The following ZC3H12B variants were observed in gnomAD, a reference collection of about 807,000 sequenced individuals.
The protein encoded by ZC3H12B is probable ribonuclease ZC3H12B.
ZC3H12B carries 7 observed loss-of-function variants against 43.9 expected under a neutral mutation model. The observed-to-expected ratio is 0.16, with a 90% CI of 0.09 to 0.30. The LOEUF is 0.30. ZC3H12B is among the 10% of genes least tolerant of loss of function. ZC3H12B has a pLI of 1.00. For synonymous variants in ZC3H12B, 222 were observed against 241.7 expected (o/e 0.92, Z 0.76); for missense variants, 475 against 670.2 (o/e 0.71, Z 3.22).
At chrX:65,475,102 T>TC (rs929282162) in intron 3 of ZC3H12B, among the ~76,000 whole-genome samples, 3 of 111,907 alleles carry the variant, frequency 2.7e-5, no homozygotes, top group Admixed American at 9.5e-5. Flanking sequence ...TACTTTTACA[T>TC]CCCCCCCACA....
At chrX:65,113,092 G>T in the ZC3H12B span, among the ~76,000 whole-genome samples, 1 of 111,264 alleles carries the variant, frequency 9.0e-6, no homozygotes. Flanking sequence ...TGACATTGAG[G>T]GGTTAAAGGC....
At chrX:65,065,300 T>G in the ZC3H12B span, among the ~76,000 whole-genome samples, 1 of 111,965 alleles carries the variant, frequency 8.9e-6, no homozygotes, top group Non-Finnish European at 1.9e-5. Flanking sequence ...TTTCCATAGT[T>G]AGTGCTTCCT....
At chrX:65,115,953 T>G in the ZC3H12B span, among the ~76,000 whole-genome samples, 1 of 111,329 alleles carries the variant, frequency 9.0e-6, no homozygotes, top group Admixed American at 9.6e-5. Flanking sequence ...TATTAGTCCT[T>G]TGTCAGATGT....
chrX:65,238,040 GT>G, the ZC3H12B span, among the ~76,000 whole-genome samples: 2 of 111,200 alleles, frequency 1.8e-5, no homozygotes, highest in African/African-American at 6.5e-5. Context: ...TCTCTTTCAG[GT>G]TTTGATATCA....
intron 2 of ZC3H12B, among the ~76,000 whole-genome samples, chrX:65,387,280 T>A (rs749263955): frequency 9.0e-6 from 1 of 111,608 alleles, no homozygotes; most frequent in East Asian, 2.8e-4. Context: ...GGAGTCTAAG[T>A]CTGTTTCTAG....
At chrX:65,307,868 T>C in the ZC3H12B span, among the ~76,000 whole-genome samples, 1 of 112,037 alleles carries the variant, frequency 8.9e-6, no homozygotes, top group Non-Finnish European at 1.9e-5. Flanking sequence ...GGGACAAAGA[T>C]AAAATTTTAC....
At chrX:65,123,573 A>G in the ZC3H12B span, among the ~76,000 whole-genome samples, 1 of 110,490 alleles carries the variant, frequency 9.1e-6, no homozygotes, top group Non-Finnish European at 1.9e-5. Flanking sequence ...TTTTGGCAGT[A>G]TGGTCATTTT....
the ZC3H12B span, among the ~76,000 whole-genome samples, chrX:65,052,509 C>A: frequency 2.7e-5 from 3 of 110,955 alleles, no homozygotes; most frequent in East Asian, 2.9e-4. Context: ...TCAGATCCCA[C>A]AAATAAGTGA....
the ZC3H12B span, among the ~76,000 whole-genome samples, chrX:65,121,019 A>C: frequency 9.0e-6 from 1 of 111,144 alleles, no homozygotes; most frequent in East Asian, 2.8e-4. Flanking sequence ...CATGGTGGAT[A>C]AGCTTTTTGA....
At chrX:65,125,235 G>T in the ZC3H12B span, among the ~76,000 whole-genome samples, 13 of 111,550 alleles carry the variant, frequency 1.2e-4, no homozygotes, top group Non-Finnish European at 2.3e-4. Flanking sequence ...TGATTTCATT[G>T]TTAAACCAAT....
At chrX:65,152,728 A>G in the ZC3H12B span, among the ~76,000 whole-genome samples, 1 of 111,676 alleles carries the variant, frequency 9.0e-6, no homozygotes, top group Non-Finnish European at 1.9e-5. Flanking sequence ...ATTGGAAAAA[A>G]CTACTTTAAA....
chrX:65,109,821 G>A, the ZC3H12B span, among the ~76,000 whole-genome samples: 5 of 111,440 alleles, frequency 4.5e-5, no homozygotes, highest in Admixed American at 1.9e-4. Flanking sequence ...TCCAGCAAAT[G>A]TATAAGGGTT....
the ZC3H12B span, among the ~76,000 whole-genome samples, chrX:65,254,849 C>T: frequency 9.0e-6 from 1 of 111,035 alleles, no homozygotes; most frequent in East Asian, 2.8e-4. Flanking sequence ...GATGAAATGA[C>T]CGTTTTAGGA....
the ZC3H12B span, among the ~76,000 whole-genome samples, chrX:65,211,455 C>T: frequency 9.3e-6 from 1 of 107,006 alleles, no homozygotes; most frequent in Admixed American, 1.1e-4. Flanking sequence ...ATGCTAAATT[C>T]TTTAATATGC....
chrX:65,193,829 G>A, the ZC3H12B span, among the ~76,000 whole-genome samples: 4 of 111,285 alleles, frequency 3.6e-5, no homozygotes, highest in Non-Finnish European at 5.7e-5. Context: ...TTCTCACATT[G>A]CTGTAGATAA....
At chrX:65,278,776 T>C in the ZC3H12B span, among the ~76,000 whole-genome samples, 9 of 110,224 alleles carry the variant, frequency 8.2e-5, no homozygotes, top group African/African-American at 3.0e-4. Flanking sequence ...TCAATAGTTA[T>C]CTTTTCTGCT....
chrX:65,390,025 G>A (rs772741036), intron 2 of ZC3H12B, among the ~76,000 whole-genome samples: 4 of 112,202 alleles, frequency 3.6e-5, no homozygotes, highest in Non-Finnish European at 7.5e-5. Context: ...ATTAATGATA[G>A]ACTGGGTTAA....
intron 3 of ZC3H12B, among the ~76,000 whole-genome samples, chrX:65,434,755 G>T (rs1250692307): frequency 9.0e-6 from 1 of 111,007 alleles, no homozygotes; most frequent in Non-Finnish European, 1.9e-5. Context: ...AGAAAAGAAG[G>T]GTAGTGGGTG....
chrX:65,059,453 T>G, the ZC3H12B span, among the ~76,000 whole-genome samples: 1 of 111,297 alleles, frequency 9.0e-6, no homozygotes, highest in South Asian at 3.8e-4. Context: ...TATCCAGTTT[T>G]CCCAGCACCG....
Sources: allele counts gnomAD v4.1 joint callset (sites outside exome capture counted in the v4.1 genomes callset), GRCh38; gene constraint gnomAD v4.1.1; transcripts MANE v1.5; gene names NCBI Gene and HGNC (gene_info 2026-07-23, HGNC 2026-07-21).